PEAK1: variants seen among roughly 807,000 people sequenced by gnomAD.
PEAK1 encodes the protein inactive tyrosine-protein kinase PEAK1.
A neutral mutation model predicts 124.7 loss-of-function variants in PEAK1; 54 were observed. The ratio of observed to expected loss-of-function variants is 0.43; its 90% CI spans 0.35 to 0.54. PEAK1 has a LOEUF of 0.54. PEAK1 is among the 20% of genes least tolerant of loss of function. The pLI, the probability that PEAK1 is intolerant of heterozygous loss-of-function variation, is 0.01. For missense variants in PEAK1, 2,046 were observed against 2,134.5 expected (o/e 0.96, Z 0.82); for synonymous variants, 719 against 760.0 (o/e 0.95, Z 0.89).
At position 77,150,014 on chromosome 15, in the gene PEAK1, T is replaced by C. The variant is rs149023343; in HGVS notation, c.3331+8489A>G. ...ATCTGCCCACCTTGGCTTCCCAAAG[T>C]GCTGGGATTACAGGCATGAGCCACC... On this transcript the variant is annotated intron_variant, in intron 8 of 9. Transcript: ENST00000682557. Among the ~76,000 whole-genome samples the C allele has an allele frequency of 7.3e-3, 1,113 of 152,246 alleles. 15 individuals carry two copies. Among genetic ancestry groups the C allele is most frequent in the African/African-American group, 0.025 (1,057 of 41,534 alleles).
At chr15:77,188,732 A>G (rs1182333060) in intron 6 of PEAK1, among the ~76,000 whole-genome samples, 1 of 152,182 alleles carries the variant, frequency 6.6e-6, no homozygotes, top group Non-Finnish European at 1.5e-5. Flanking sequence ...TAACTCGATT[A>G]TACCACATTG....
At chr15:77,342,548 G>A (rs1270797912) in intron 2 of PEAK1, among the ~76,000 whole-genome samples, 1 of 151,944 alleles carries the variant, frequency 6.6e-6, no homozygotes, top group Non-Finnish European at 1.5e-5. Flanking sequence ...TGGGGCTACA[G>A]GCAGGAGCCA....
chr15:77,232,515 G>A (rs992188932), intron 6 of PEAK1, among the ~76,000 whole-genome samples: 50 of 152,114 alleles, frequency 3.3e-4, no homozygotes, highest in African/African-American at 1.1e-3. Context: ...CAGGTCACTC[G>A]CTACTTAGCC....
chr15:77,398,727 C>T (rs1321810673), intron 1 of PEAK1, among the ~76,000 whole-genome samples: 3 of 152,152 alleles, frequency 2.0e-5, no homozygotes, highest in African/African-American at 7.2e-5. Context: ...CCACTTTCAC[C>T]ACTGTTATTC....
chr15:77,148,413 G>A (rs1286053869), intron 8 of PEAK1, among the ~76,000 whole-genome samples: 2 of 152,152 alleles, frequency 1.3e-5, no homozygotes, highest in Non-Finnish European at 2.9e-5. Flanking sequence ...CTGCACAGCT[G>A]TCACTATTTG....
rs866924234 is a variant in PEAK1 at position 77,250,241 on chromosome 15, A to G, written c.-115+2126T>C. ...TATATACACATATATATGTATATGTATATATATATATATATATTTTTTTTT... is the reference window on the plus strand; with the variant it reads ...TATATACACATATATATGTATATGTGTATATATATATATATATTTTTTTTT... On this transcript the variant is annotated intron_variant, in intron 6 of 9. Transcript: ENST00000682557. Among the ~76,000 whole-genome samples, 146 of 70,534 alleles carry G rather than the reference A, an allele frequency of 2.1e-3. 2 individuals are homozygous for G. Among genetic ancestry groups the G allele is most frequent in the Middle Eastern group, 0.015 (2 of 132 alleles). The allele number at this position is 70,534 out of a possible 152,430, so 46.3% of individuals were successfully genotyped here.
intron 1 of PEAK1, among the ~76,000 whole-genome samples, chr15:77,386,777 A>T (rs1176417632): frequency 1.3e-5 from 2 of 152,178 alleles, no homozygotes; most frequent in African/African-American, 4.8e-5. Context: ...ATGTGCAAGA[A>T]GATCTTCCCA....
At chr15:77,418,871 G>A (rs1158623829) in intron 1 of PEAK1, 11 of 985,286 alleles carry the variant, frequency 1.1e-5, no homozygotes, top group Non-Finnish European at 1.3e-5. Context: ...CAGTAAGTAG[G>A]CCCCAAAACA....
In PEAK1 at chr15:77,298,945, C is replaced by T. The variant is rs149518629; in HGVS notation, c.-602-12441G>A. Among the ~76,000 whole-genome samples, 8 of 152,274 alleles carry T rather than the reference C, an allele frequency of 5.3e-5. No individual in the cohort carries two copies. In the East Asian group the frequency reaches 1.5e-3, roughly 29 times the overall value. ...GAAGGCCAACTGGCACTACCATATA[C>T]CCTCTTGTGGGTACAAAGTGGTGCT... On this transcript the variant is annotated intron_variant, in intron 2 of 9. Transcript: ENST00000682557.
chr15:77,199,093 C>T (rs975347348), intron 6 of PEAK1, among the ~76,000 whole-genome samples: 31 of 152,152 alleles, frequency 2.0e-4, no homozygotes, highest in African/African-American at 7.5e-4. Context: ...GGGACTATCC[C>T]TATCTATAAA....
At chr15:77,239,435 A>T (rs940458067) in intron 6 of PEAK1, among the ~76,000 whole-genome samples, 1 of 152,204 alleles carries the variant, frequency 6.6e-6, no homozygotes, top group Non-Finnish European at 1.5e-5. Flanking sequence ...AAATTATATG[A>T]CTTTAGGCAA....
intron 9 of PEAK1, among the ~76,000 whole-genome samples, chr15:77,116,752 C>CTATCTATCTA (rs2051426129): frequency 6.9e-6 from 1 of 144,140 alleles, no homozygotes; most frequent in African/African-American, 2.6e-5. Flanking sequence ...ATCTATCTAT[C>CTATCTATCTA]TATACCTCAG....
intron 5 of PEAK1, among the ~76,000 whole-genome samples, chr15:77,260,268 A>G (rs1453020122): frequency 1.3e-5 from 2 of 152,232 alleles, no homozygotes; most frequent in Non-Finnish European, 2.9e-5. Context: ...TGTACTTAAC[A>G]AAAATGCTTT....
chr15:77,175,699 T>G (rs545126026), intron 7 of PEAK1, among the ~76,000 whole-genome samples: 20 of 152,254 alleles, frequency 1.3e-4, no homozygotes, highest in South Asian at 6.2e-4. Context: ...GTGTGGTGAT[T>G]CCTCAGGCAT....
intron 6 of PEAK1, among the ~76,000 whole-genome samples, chr15:77,206,139 C>A (rs1196793852): frequency 8.8e-6 from 1 of 113,946 alleles, no homozygotes; most frequent in African/African-American, 3.4e-5. Flanking sequence ...ATCCATGTCC[C>A]TACAAAGGAC....
chr15:77,214,613 G>C (rs1476892352), intron 6 of PEAK1, among the ~76,000 whole-genome samples: 1 of 148,188 alleles, frequency 6.7e-6, no homozygotes, highest in Non-Finnish European at 1.5e-5. Flanking sequence ...GACAGAGCAA[G>C]ACTCTGTCTC....
intron 6 of PEAK1, among the ~76,000 whole-genome samples, chr15:77,192,842 GA>G (rs950458996): frequency 4.3e-4 from 64 of 148,130 alleles, no homozygotes; most frequent in African/African-American, 1.3e-3. Flanking sequence ...TTTTTTAAAT[GA>G]AAAAAAAATT....
At chr15:77,178,498 T>A in intron 7 of PEAK1, 1 of 402,144 alleles carries the variant, frequency 2.5e-6, no homozygotes, top group Non-Finnish European at 4.4e-6. Context: ...ACACATTATT[T>A]ATTGCTATTA....
At chr15:77,221,559 C>G (rs1358971828) in intron 6 of PEAK1, among the ~76,000 whole-genome samples, 1 of 152,008 alleles carries the variant, frequency 6.6e-6, no homozygotes, top group Non-Finnish European at 1.5e-5. Flanking sequence ...ATCCCATCAA[C>G]TAGAGTTCCC....
Sources: gnomAD v4.1 joint callset for allele counts (sites outside exome capture counted in the v4.1 genomes callset) on GRCh38, gnomAD v4.1.1 for gene constraint, MANE v1.5 for transcripts, NCBI Gene and HGNC (gene_info 2026-07-23, HGNC 2026-07-21) for gene names.